LAMP1: variants seen among roughly 807,000 people sequenced by gnomAD.
The protein encoded by LAMP1 is lysosome associated membrane protein 1, also known as lysosome-associated membrane glycoprotein 1.
In LAMP1, 7 loss-of-function variants were observed where a neutral mutation model predicts 37.5. The observed-to-expected ratio is 0.19, with a 90% confidence interval of 0.11 to 0.35. The LOEUF (loss-of-function observed/expected upper bound fraction) is 0.35, where lower values mean the gene tolerates loss of function less well. LAMP1 is among the 10% of genes least tolerant of loss of function. The probability of loss-of-function intolerance (pLI) is 1.00; values close to 1 mark genes in which losing one functional copy is unlikely to be tolerated. For synonymous variants in LAMP1, 236 were observed against 229.1 expected, an observed-to-expected ratio of 1.03 and a Z score of -0.27; for missense variants, 537 against 552.8, an observed-to-expected ratio of 0.97 and a Z score of 0.29.
chr13:113,299,716 G>A (rs760889787), intron 1 of LAMP1, among the ~76,000 whole-genome samples: 5 of 151,580 alleles, frequency 3.3e-5, no homozygotes, highest in African/African-American at 4.9e-5. Flanking sequence ...CTACAGGTGC[G>A]CGCCACCATG....
At position 113,322,776 on chromosome 13, in the gene LAMP1, G is replaced by C. The variant is rs1343313503; in HGVS notation, c.*355G>C. On this transcript the variant is annotated 3_prime_UTR_variant, in exon 9 of 9. Transcript: ENST00000332556. The stretch of plus-strand genomic sequence containing the variant: ...GGTGCCGCTCTCTCTGAGGGGGTGG[G>C]GGTGCCGCTTTCTCTGAGGGGGTGG... 3 of 73,656 alleles carry C rather than the reference G, an allele frequency of 4.1e-5. No homozygotes were observed. Among genetic ancestry groups the C allele is most frequent in the Non-Finnish European group, 7.5e-5 (3 of 39,930 alleles). 4.6% of individuals were successfully genotyped at this position (73,656 alleles called of 1,614,324 possible). A position where few individuals can be genotyped will look rare whatever the true frequency, so the allele number is the denominator to read the frequency against.
At chr13:113,318,880 C>G (rs1336665876) in intron 4 of LAMP1, among the ~76,000 whole-genome samples, 1 of 152,232 alleles carries the variant, frequency 6.6e-6, no homozygotes, top group Non-Finnish European at 1.5e-5. Flanking sequence ...CTCATGGAGA[C>G]TGCCTGACCC....
rs767028185 is a variant in LAMP1 at position 113,309,835 on chromosome 13, C to G, written c.376C>G (p.His126Asp). The G allele has an allele frequency of 3.7e-6, 6 of 1,613,280 alleles. No individual in the cohort carries two copies. The highest frequency in any genetic ancestry group is 1.7e-5 in the Admixed American group (1 of 60,026). The change falls in exon 3 of 9, where the codon CAC becomes GAC. Residue 126 changes from histidine to aspartate, a missense_variant. Transcript: ENST00000332556. ...MSFVYNLSDT[H>D]LFPNASSKEI... ...TTTTGTTTATAACTTGTCAGACACA[C>G]ACCTTTTCCCCAATGCGAGCTCCAA...
intron 4 of LAMP1, among the ~76,000 whole-genome samples, chr13:113,317,833 A>G (rs530275688): frequency 2.0e-5 from 3 of 152,066 alleles, no homozygotes; most frequent in African/African-American, 4.8e-5. Flanking sequence ...ACTAAGGCGC[A>G]TGCCACCATG....
chr13:113,316,284 G>A (rs1159022123), intron 4 of LAMP1, among the ~76,000 whole-genome samples: 28 of 152,168 alleles, frequency 1.8e-4, no homozygotes, highest in African/African-American at 6.5e-4. Context: ...TTCACCGGGA[G>A]GAGTGGGGTG....
intron 1 of LAMP1, among the ~76,000 whole-genome samples, chr13:113,303,734 A>G (rs1173663120): frequency 6.6e-6 from 1 of 152,120 alleles, no homozygotes; most frequent in Admixed American, 6.6e-5. Context: ...TGTGCTGCCA[A>G]AGCTTACTTT....
chr13:113,306,834 C>CCTTTTTTTTT (rs1555311184), intron 2 of LAMP1, among the ~76,000 whole-genome samples: 1 of 80,160 alleles, frequency 1.2e-5, no homozygotes, highest in African/African-American at 4.9e-5. Context: ...GAACATTTTC[C>CCTTTTTTTTT]TTTTTTTTTT....
intron 1 of LAMP1, chr13:113,305,339 A>G (rs911340096): frequency 6.6e-6 from 1 of 152,254 alleles, no homozygotes; most frequent in African/African-American, 2.4e-5. Flanking sequence ...GTAGTGGCAG[A>G]GACAAGTGAA....
rs1345910432 is a variant in LAMP1 at position 113,297,672 on chromosome 13, A to G, written c.61+177A>G. On this transcript the variant is annotated intron_variant, in intron 1 of 8. Transcript: ENST00000332556. The surrounding 1 kb of genome is among the most constrained non-coding windows in gnomAD (Gnocchi z 4.4). ...GTTTCTCTCGGGGTCGTAGGGTCGGAGCGGAGCTCAATGGCAGGTGCTTGG... is the reference window on the plus strand; with the variant it reads ...GTTTCTCTCGGGGTCGTAGGGTCGGGGCGGAGCTCAATGGCAGGTGCTTGG... Among the ~76,000 whole-genome samples the G allele has an allele frequency of 6.6e-6, 1 of 151,808 alleles. No individual in the cohort carries two copies. The highest frequency in any genetic ancestry group is 6.6e-5 in the Admixed American group (1 of 15,246).
chr13:113,310,757 A>G lies in LAMP1; in HGVS notation c.452A>G (p.Lys151Arg). The G allele has an allele frequency of 1.2e-6, 2 of 1,613,656 alleles. No individual in the cohort carries two copies. Among genetic ancestry groups the G allele is most frequent in the Non-Finnish European group, 1.7e-6 (2 of 1,179,716 alleles). ...SITDIRADID[K>R]KYRCVSGTQV... ...ACTGACATCAGGGCAGATATAGATA[A>G]AAAATACAGATGTGTTAGTGGCACC... is the stretch of plus-strand genomic sequence containing the variant. The change falls in exon 4 of 9, where the codon AAA becomes AGA. Residue 151 changes from lysine to arginine, a missense_variant. Coordinates refer to ENST00000332556, the MANE Select transcript of LAMP1 (RefSeq NM_005561.4).
At chr13:113,302,158 C>A (rs2042578204) in intron 1 of LAMP1, among the ~76,000 whole-genome samples, 1 of 150,782 alleles carries the variant, frequency 6.6e-6, no homozygotes, top group South Asian at 2.1e-4. Flanking sequence ...CCACCACACC[C>A]AGCCTAAGAT....
In LAMP1 at chr13:113,321,419, C is replaced by A; in HGVS notation, c.892C>A (p.Arg298=). The change falls in exon 7 of 9, where the codon CGG becomes AGG. Residue 298 remains arginine (R), a synonymous_variant. Coordinates refer to ENST00000332556, the MANE Select transcript of LAMP1 (RefSeq NM_005561.4). This position sits in a 1 kb window ranked among gnomAD's most constrained non-coding sequence, Gnocchi z 5.6. ...TCTTTTTAAGAATGCAAGTTCTAGC[C>A]GGTTTTTCCTACAAGGAATCCAGTT... ...FQFGMNASSS[R]FFLQGIQLNT... 6.2e-7 allele frequency: 1 copy of A among 1,613,808 alleles called. No homozygotes were observed.
In LAMP1 at chr13:113,297,471, C is replaced by T; in HGVS notation, c.37C>T (p.Leu13=). ...CGGCAGCGCCCGGCGACCCCTGCTG[C>T]TGCTACTGCTGTTGCTGCTGCTCGG... The part of the protein sequence containing the change: ...APGSARRPLL[L]LLLLLLLGLM... Residue 13 remains leucine (L), a synonymous_variant, in exon 1 of 9, where the codon CTG becomes TTG. Transcript: ENST00000332556. This position sits in a 1 kb window ranked among gnomAD's most constrained non-coding sequence, Gnocchi z 4.4. 1.6e-6 allele frequency: 2 copies of T among 1,240,042 alleles called. No homozygotes were observed. The highest frequency in any genetic ancestry group is 1.6e-5 in the African/African-American group (1 of 64,268). The allele number at this position is 1,240,042 out of a possible 1,614,324, so 76.8% of individuals were successfully genotyped here. A position where few individuals can be genotyped will look rare whatever the true frequency, so the allele number is the denominator to read the frequency against.
At chr13:113,306,745 A>G (rs768413877) in intron 2 of LAMP1, 139 bp downstream of exon 2, 213 of 914,094 alleles carry the variant, frequency 2.3e-4, no homozygotes, top group Non-Finnish European at 2.7e-4. Context: ...TGGTGTTGTC[A>G]GTAACCTGCG....
chr13:113,310,003 C>G lies in LAMP1; in HGVS notation c.403+141C>G, dbSNP rs1376840169. 3 of 667,470 alleles carry G rather than the reference C, an allele frequency of 4.5e-6. No homozygotes were observed. The African/African-American group carries it at 5.4e-5, about 12-fold the overall frequency. 41.3% of individuals were successfully genotyped at this position (667,470 alleles called of 1,614,324 possible). A position where few individuals can be genotyped will look rare whatever the true frequency, so the allele number is the denominator to read the frequency against. On this transcript the variant is annotated intron_variant, in intron 3 of 8. Transcript: ENST00000332556. Reference sequence around the variant, plus strand: ...TAGCACTTTGGGAGGCTAAGGCAGACAGATCACTTGAGGTCAGGAGTTTGA... The same window carrying G: ...TAGCACTTTGGGAGGCTAAGGCAGAGAGATCACTTGAGGTCAGGAGTTTGA...
chr13:113,316,579 C>T (rs923599471), intron 4 of LAMP1, among the ~76,000 whole-genome samples: 5 of 152,046 alleles, frequency 3.3e-5, no homozygotes, highest in Admixed American at 6.5e-5. Flanking sequence ...CCCGCCACCA[C>T]GCCTGGCTAA....
chr13:113,306,834 C>CCTTTT (rs1555311184), intron 2 of LAMP1, among the ~76,000 whole-genome samples: 1 of 80,140 alleles, frequency 1.2e-5, no homozygotes, highest in African/African-American at 4.9e-5. Context: ...GAACATTTTC[C>CCTTTT]TTTTTTTTTT....
intron 2 of LAMP1, among the ~76,000 whole-genome samples, chr13:113,307,868 A>G (rs1222344970): frequency 7.5e-6 from 1 of 134,214 alleles, no homozygotes; most frequent in Non-Finnish European, 1.6e-5. Flanking sequence ...CTGAGGTGGG[A>G]GGATTGCTTG....
chr13:113,303,789 G>A (rs1340386547), intron 1 of LAMP1, among the ~76,000 whole-genome samples: 2 of 152,138 alleles, frequency 1.3e-5, no homozygotes, highest in Non-Finnish European at 2.9e-5. Context: ...TGAAAGCTGA[G>A]ACCTGGCTGG....
Sources: allele counts gnomAD v4.1 joint callset (sites outside exome capture counted in the v4.1 genomes callset), GRCh38; gene constraint gnomAD v4.1.1; non-coding constraint Gnocchi (gnomAD v3.1); transcripts MANE v1.5; gene names NCBI Gene and HGNC (gene_info 2026-07-23, HGNC 2026-07-21).